Variants in CORO2B observed in about 807,000 individuals in gnomAD.
CORO2B encodes the protein coronin 2B, also known as coronin-2B.
In CORO2B, 26 loss-of-function variants were observed where a neutral mutation model predicts 58.8. That is an observed-to-expected ratio of 0.44 (90% CI 0.32 to 0.61). CORO2B has a LOEUF of 0.61. CORO2B is among the 20% of genes least tolerant of loss of function. The pLI is 0.04. For missense variants in CORO2B, 460 were observed against 645.1 expected, an observed-to-expected ratio of 0.71 and a Z score of 3.11; for synonymous variants, 242 against 253.8, an observed-to-expected ratio of 0.95 and a Z score of 0.44.
chr15:68,579,184 C>G lies in CORO2B; in HGVS notation c.-79C>G, dbSNP rs1899350378. ...GAGCGAGCCGGGAGCTGCCGGACCC[C>G]CTTCCGCCGCCGCCCCGGGCCGCCG... is the stretch of plus-strand genomic sequence containing the variant. On this transcript the variant is annotated 5_prime_UTR_variant, in exon 1 of 12. Coordinates refer to ENST00000261861, the MANE Select transcript of CORO2B (RefSeq NM_006091.5). 1.0e-5 allele frequency: 10 copies of G among 987,852 alleles called. No homozygotes were observed. The highest frequency in any genetic ancestry group is 2.2e-4 in the East Asian group (2 of 8,900). The allele number at this position is 987,852 out of a possible 1,614,324, so 61.2% of individuals were successfully genotyped here. A position where few individuals can be genotyped will look rare whatever the true frequency, so the allele number is the denominator to read the frequency against.
upstream of CORO2B, among the ~76,000 whole-genome samples, chr15:68,576,997 C>T (rs529929138): frequency 2.4e-4 from 36 of 152,018 alleles, no homozygotes; most frequent in African/African-American, 8.4e-4. Context: ...GGAGGTGGTG[C>T]CGTGAGAGGT....
chr15:68,553,376 G>C, the CORO2B span, among the ~76,000 whole-genome samples: 2 of 152,196 alleles, frequency 1.3e-5, no homozygotes, highest in Admixed American at 6.5e-5. Context: ...TTGTAACAGG[G>C]AGGCAGGAGG....
chr15:68,607,797 G>A (rs1900161407), intron 1 of CORO2B, among the ~76,000 whole-genome samples: 1 of 148,724 alleles, frequency 6.7e-6, no homozygotes, highest in African/African-American at 2.5e-5. Flanking sequence ...CAGCCTGGGT[G>A]ACAGAGTGAG....
rs373294905 is a variant in CORO2B at position 68,590,908 on chromosome 15, A to G, written c.15+11631A>G. Among the ~76,000 whole-genome samples, 5 of 152,252 alleles carry G rather than the reference A, an allele frequency of 3.3e-5. 1 individual carries two copies. ...TCCACCCTGGCTGCCCTGTTCTCCT[A>G]TGCAGGGCCGGCCGCCTTCCCCATC... On this transcript the variant is annotated intron_variant, in intron 1 of 11. Coordinates refer to ENST00000261861, the MANE Select transcript of CORO2B (RefSeq NM_006091.5).
intron 2 of CORO2B, among the ~76,000 whole-genome samples, chr15:68,678,508 T>C (rs1439050972): frequency 6.6e-6 from 1 of 152,106 alleles, no homozygotes; most frequent in African/African-American, 2.4e-5. Flanking sequence ...ACCCCATCTC[T>C]ACTAAAAATA....
chr15:68,609,686 A>G (rs1476621501), intron 1 of CORO2B, among the ~76,000 whole-genome samples: 2 of 152,120 alleles, frequency 1.3e-5, no homozygotes, highest in Non-Finnish European at 2.9e-5. Flanking sequence ...CCTCACTGCC[A>G]TTCTTCTTCC....
At chr15:68,617,895 C>T (rs1381616466) in intron 1 of CORO2B, among the ~76,000 whole-genome samples, 1 of 152,146 alleles carries the variant, frequency 6.6e-6, no homozygotes, top group African/African-American at 2.4e-5. Context: ...GAATCTTAGG[C>T]TACTGGAATG....
intron 3 of CORO2B, among the ~76,000 whole-genome samples, chr15:68,701,502 T>TTTG (rs1567013962): frequency 9.1e-6 from 1 of 110,458 alleles, no homozygotes; most frequent in African/African-American, 3.7e-5. Flanking sequence ...TTTTTTTTTT[T>TTTG]TGAGACGGAG....
the CORO2B span, among the ~76,000 whole-genome samples, chr15:68,554,163 A>G: frequency 3.3e-5 from 5 of 152,128 alleles, no homozygotes; most frequent in East Asian, 9.6e-4. Context: ...GGAGACAGAG[A>G]GGAACCAAAT....
chr15:68,548,744 T>C, the CORO2B span, among the ~76,000 whole-genome samples: 19 of 152,238 alleles, frequency 1.2e-4, 2 homozygotes, highest in Admixed American at 1.2e-3. Context: ...TTCAGACTTT[T>C]CCATTCTTGC....
At chr15:68,527,653 T>C in the CORO2B span, among the ~76,000 whole-genome samples, 5 of 152,222 alleles carry the variant, frequency 3.3e-5, no homozygotes, top group African/African-American at 1.2e-4. Context: ...ATTTTCTAAA[T>C]CTTTTGCATA....
chr15:68,671,159 G>A (rs1299842025), intron 2 of CORO2B, among the ~76,000 whole-genome samples: 1 of 152,154 alleles, frequency 6.6e-6, no homozygotes, highest in African/African-American at 2.4e-5. Flanking sequence ...ACAGGAAAAG[G>A]AACCACAACC....
chr15:68,694,435 C>T (rs1041769332), intron 2 of CORO2B, among the ~76,000 whole-genome samples: 3 of 152,226 alleles, frequency 2.0e-5, no homozygotes, highest in Non-Finnish European at 2.9e-5. Flanking sequence ...ACAACTTTCA[C>T]TGCTAAAAAT....
At chr15:68,606,402 A>G (rs1314241698) in intron 1 of CORO2B, among the ~76,000 whole-genome samples, 1 of 152,148 alleles carries the variant, frequency 6.6e-6, no homozygotes, top group Admixed American at 6.5e-5. Context: ...AGCTCCCTGG[A>G]TAATTCCAGT....
At chr15:68,669,156 AAAAG>A (rs754814558) in intron 2 of CORO2B, among the ~76,000 whole-genome samples, 203 of 151,256 alleles carry the variant, frequency 1.3e-3, no homozygotes, top group African/African-American at 3.6e-3. Context: ...AAAGAAAAAG[AAAAG>A]AAAGAAAGAA....
Position 68,718,667 on chromosome 15 carries a change from C to A in CORO2B, c.968-31C>A. The A allele has an allele frequency of 3.2e-6, 5 of 1,571,444 alleles. 1 individual carries two copies. In the South Asian group the frequency reaches 4.5e-5, roughly 14 times the overall value. On this transcript the variant is annotated intron_variant, in intron 8 of 11. Transcript: ENST00000261861. Reference sequence around the variant, plus strand: ...TGTCACTGAGACGCAGTTTCTGGGACCCCATGGAGCCACATGTGTGCCTGT... The same window carrying A: ...TGTCACTGAGACGCAGTTTCTGGGAACCCATGGAGCCACATGTGTGCCTGT...
At chr15:68,648,081 C>G (rs1213657955) in intron 2 of CORO2B, among the ~76,000 whole-genome samples, 3 of 150,454 alleles carry the variant, frequency 2.0e-5, no homozygotes, top group Admixed American at 2.0e-4. Flanking sequence ...GCCTATAATC[C>G]CAGCACTTTG....
At chr15:68,715,748 C>T (rs1479734767) in intron 8 of CORO2B, among the ~76,000 whole-genome samples, 19 of 152,184 alleles carry the variant, frequency 1.2e-4, no homozygotes, top group Admixed American at 1.3e-4. Context: ...CAGGTGTTCC[C>T]GTGACTGCAG....
chr15:68,591,569 A>G (rs574724507), intron 1 of CORO2B, among the ~76,000 whole-genome samples: 6 of 152,284 alleles, frequency 3.9e-5, no homozygotes, highest in African/African-American at 1.2e-4. Flanking sequence ...CCCTACCCAC[A>G]TTGCCCTAGA....
Sources: allele counts gnomAD v4.1 joint callset (sites outside exome capture counted in the v4.1 genomes callset), GRCh38; gene constraint gnomAD v4.1.1; transcripts MANE v1.5; gene names NCBI Gene and HGNC (gene_info 2026-07-23, HGNC 2026-07-21).